The following ADGRB3 variants were observed in gnomAD, a reference collection of about 807,000 sequenced individuals.
ADGRB3 encodes adhesion G protein-coupled receptor B3, also known as brain-specific angiogenesis inhibitor 3.
In ADGRB3, 37 loss-of-function variants were observed where a neutral mutation model predicts 193.4. That is an observed-to-expected ratio of 0.19 (90% CI 0.15 to 0.25). The LOEUF is 0.25. Ranked by LOEUF, ADGRB3 falls within the 10% of genes least tolerant of loss-of-function variation. The probability of loss-of-function intolerance (pLI) is 1.00; values close to 1 mark genes in which losing one functional copy is unlikely to be tolerated. For missense variants in ADGRB3, 1,637 were observed against 1,852.9 expected, an observed-to-expected ratio of 0.88 and a Z score of 2.14; for synonymous variants, 690 against 644.2, an observed-to-expected ratio of 1.07 and a Z score of -1.08.
In ADGRB3 at chr6:69,040,675, C is replaced by CAAAAAAAAAAAAAA. The variant is rs869146684; in HGVS notation, c.2108-7489_2108-7476dup. Among the ~76,000 whole-genome samples, 12 of 19,526 alleles carry CAAAAAAAAAAAAAA rather than the reference C, an allele frequency of 6.1e-4. 3 individuals carry two copies. The highest frequency in any genetic ancestry group is 8.8e-4 in the African/African-American group (4 of 4,520). The allele number at this position is 19,526 out of a possible 152,430, so 12.8% of individuals were successfully genotyped here. A position where few individuals can be genotyped will look rare whatever the true frequency, so the allele number is the denominator to read the frequency against. ...CCCAGGCTTTGAAATGACTGATGGA[C>CAAAAAAAAAAAAAA]AAAAAAAAAAAAAAAAAAAAAAAAA... On this transcript the variant is annotated intron_variant, in intron 13 of 31. Coordinates refer to ENST00000370598, the MANE Select transcript of ADGRB3 (RefSeq NM_001704.3).
At chr6:69,224,265 T>C (rs1373152757) in intron 17 of ADGRB3, among the ~76,000 whole-genome samples, 1 of 152,164 alleles carries the variant, frequency 6.6e-6, no homozygotes, top group African/African-American at 2.4e-5. Flanking sequence ...ATGTTATAAA[T>C]TTTACAATGG....
chr6:68,911,812 C>CTT (rs79737496), intron 3 of ADGRB3, among the ~76,000 whole-genome samples: 3 of 120,098 alleles, frequency 2.5e-5, no homozygotes, highest in Non-Finnish European at 5.4e-5. Flanking sequence ...TGGAAAATTA[C>CTT]TTTTTTTTTT....
chr6:68,840,120 G>A (rs542168813), intron 3 of ADGRB3, among the ~76,000 whole-genome samples: 6 of 152,230 alleles, frequency 3.9e-5, no homozygotes, highest in African/African-American at 1.2e-4. Flanking sequence ...AAATTGAAAG[G>A]CATTCTAGGC....
chr6:69,209,200 TCA>T (rs1354196715), intron 17 of ADGRB3, among the ~76,000 whole-genome samples: 1 of 152,194 alleles, frequency 6.6e-6, no homozygotes, highest in Admixed American at 6.5e-5. Context: ...ATTCTGGACC[TCA>T]CTCAAAACTG....
chr6:69,038,781 A>C (rs1770947638), intron 13 of ADGRB3, among the ~76,000 whole-genome samples: 1 of 152,232 alleles, frequency 6.6e-6, no homozygotes, highest in African/African-American at 2.4e-5. Flanking sequence ...GTCTTAAATG[A>C]TATTTCTCTT....
chr6:68,839,035 A>C (rs541183847), intron 3 of ADGRB3, among the ~76,000 whole-genome samples: 4 of 150,098 alleles, frequency 2.7e-5, no homozygotes, highest in Non-Finnish European at 4.4e-5. Context: ...CCCTCTCTCT[A>C]TCTCTCTTTC....
intron 30 of ADGRB3, among the ~76,000 whole-genome samples, chr6:69,379,139 G>C (rs754606579): frequency 3.9e-5 from 6 of 151,934 alleles, no homozygotes; most frequent in Non-Finnish European, 7.4e-5. Flanking sequence ...TATTGCAAAA[G>C]ATGCATATAA....
At chr6:68,669,763 G>C (rs977748748) in intron 3 of ADGRB3, among the ~76,000 whole-genome samples, 1 of 151,658 alleles carries the variant, frequency 6.6e-6, no homozygotes. Context: ...ATATCTCTTC[G>C]ATGTATTGAT....
chr6:69,053,641 AGGGTCCTTT>A (rs1477685571), intron 15 of ADGRB3, among the ~76,000 whole-genome samples: 1 of 152,178 alleles, frequency 6.6e-6, no homozygotes, highest in Non-Finnish European at 1.5e-5. Flanking sequence ...CCCAGTTCAG[AGGGTCCTTT>A]GAGAGAGTGA....
At chr6:69,360,829 C>T (rs1561998896) in intron 28 of ADGRB3, 40 bp from the exon 29 acceptor site, 1 of 1,517,038 alleles carries the variant, frequency 6.6e-7, no homozygotes, top group Non-Finnish European at 8.9e-7. Flanking sequence ...AATAAACACA[C>T]ATTAACTCTC....
At chr6:69,053,182 A>G (rs1452165397) in intron 15 of ADGRB3, among the ~76,000 whole-genome samples, 2 of 152,084 alleles carry the variant, frequency 1.3e-5, no homozygotes, top group African/African-American at 4.8e-5. Context: ...GCAAGATTCC[A>G]TAAAAAAAAA....
intron 26 of ADGRB3, among the ~76,000 whole-genome samples, chr6:69,351,427 A>C (rs1308142574): frequency 1.3e-5 from 2 of 152,136 alleles, no homozygotes; most frequent in Non-Finnish European, 1.5e-5. Flanking sequence ...AAATAAATAA[A>C]ATGGAGCATT....
At chr6:68,786,870 A>G (rs957830243) in intron 3 of ADGRB3, among the ~76,000 whole-genome samples, 2 of 151,940 alleles carry the variant, frequency 1.3e-5, no homozygotes, top group African/African-American at 2.4e-5. Flanking sequence ...GGTTCTTCAC[A>G]TCCCTTGTAA....
At chr6:69,284,160 A>G (rs1031056160) in intron 20 of ADGRB3, among the ~76,000 whole-genome samples, 1 of 152,300 alleles carries the variant, frequency 6.6e-6, no homozygotes, top group Admixed American at 6.5e-5. Context: ...TGGATCATCT[A>G]TCACCCTTCA....
rs377568731 is a variant in ADGRB3, at chr6:69,127,642, G to A, written c.2480+51604G>A. Among the ~76,000 whole-genome samples the A allele has an allele frequency of 2.6e-5, 4 of 152,118 alleles. No homozygotes were observed. The East Asian group carries it at 5.8e-4, about 22-fold the overall frequency. On this transcript the variant is annotated intron_variant, in intron 17 of 31. Transcript: ENST00000370598. ...ACAAAACATAGCTGGATCTTGGTGA[G>A]TATTCAAATAAAAAATTATCTTTCC...
At chr6:69,169,973 A>G (rs1297451227) in intron 17 of ADGRB3, among the ~76,000 whole-genome samples, 1 of 152,144 alleles carries the variant, frequency 6.6e-6, no homozygotes, top group Non-Finnish European at 1.5e-5. Flanking sequence ...GAACCTAACA[A>G]TTCTACCACG....
chr6:69,345,459 A>G (rs909787806), intron 26 of ADGRB3, among the ~76,000 whole-genome samples: 1 of 152,228 alleles, frequency 6.6e-6, no homozygotes, highest in African/African-American at 2.4e-5. Flanking sequence ...ACACAAATCA[A>G]TAAATGTAAT....
At chr6:68,897,801 CAG>C (rs1316310561) in intron 3 of ADGRB3, among the ~76,000 whole-genome samples, 310 of 111,806 alleles carry the variant, frequency 2.8e-3, no homozygotes, top group African/African-American at 0.011. Flanking sequence ...GAAAGAGAAA[CAG>C]AAAGAAAGAA....
intron 4 of ADGRB3, among the ~76,000 whole-genome samples, chr6:68,933,358 C>A (rs1767396907): frequency 6.6e-6 from 1 of 152,092 alleles, no homozygotes; most frequent in Non-Finnish European, 1.5e-5. Flanking sequence ...TTGTCATTTA[C>A]AAGGCGGGTG....
Sources: allele counts gnomAD v4.1 joint callset (sites outside exome capture counted in the v4.1 genomes callset), GRCh38; gene constraint gnomAD v4.1.1; transcripts MANE v1.5; gene names NCBI Gene and HGNC (gene_info 2026-07-23, HGNC 2026-07-21).